SLC8A1: variants seen among roughly 807,000 people sequenced by gnomAD.
SLC8A1 encodes the protein solute carrier family 8 member A1, also known as sodium/calcium exchanger 1.
In SLC8A1, 18 loss-of-function variants were observed where a neutral mutation model predicts 68.3. That is an observed-to-expected ratio of 0.26 (90% CI 0.18 to 0.39). SLC8A1 has a LOEUF of 0.39. SLC8A1 is among the 10% of genes least tolerant of loss of function. The probability of loss-of-function intolerance (pLI) is 1.00; values close to 1 mark genes in which losing one functional copy is unlikely to be tolerated. For synonymous variants in SLC8A1, 475 were observed against 415.5 expected, an observed-to-expected ratio of 1.14 and a Z score of -1.74; for missense variants, 985 against 1,156.7, an observed-to-expected ratio of 0.85 and a Z score of 2.15.
chr2:40,388,243 C>T (rs1684208041), intron 2 of SLC8A1, among the ~76,000 whole-genome samples: 2 of 152,068 alleles, frequency 1.3e-5, no homozygotes, highest in African/African-American at 2.4e-5. Flanking sequence ...ACTTGAATTG[C>T]TACAAAATAT....
intron 2 of SLC8A1, among the ~76,000 whole-genome samples, chr2:40,298,643 G>T (rs940279846): frequency 6.6e-6 from 1 of 152,240 alleles, no homozygotes. Flanking sequence ...AAAGAAATTA[G>T]AAGGCTATGG....
chr2:40,202,151 G>C (rs2054501451), intron 2 of SLC8A1, among the ~76,000 whole-genome samples: 1 of 151,922 alleles, frequency 6.6e-6, no homozygotes, highest in Non-Finnish European at 1.5e-5. Flanking sequence ...AATTAATCCA[G>C]TGTTAACAGC....
chr2:40,403,199 GCAT>G (rs1391562209), intron 2 of SLC8A1, among the ~76,000 whole-genome samples: 1 of 152,112 alleles, frequency 6.6e-6, no homozygotes, highest in Non-Finnish European at 1.5e-5. Flanking sequence ...AAGCAATTTG[GCAT>G]TATTCAGTAC....
In SLC8A1 at chr2:40,252,831, CAT is replaced by C. The variant is rs1305638651; in HGVS notation, c.1809-74978_1809-74977del. ...GTACATATACATATATATGTATATA[CAT>C]GTGTATACATATATGTATATATACA... On this transcript the variant is annotated intron_variant, in intron 2 of 7. Coordinates refer to ENST00000406785, the Ensembl canonical transcript of SLC8A1. Among the ~76,000 whole-genome samples, 58 of 139,024 alleles carry C rather than the reference CAT, an allele frequency of 4.2e-4. 1 individual carries two copies. Among genetic ancestry groups the C allele is most frequent in the African/African-American group, 1.5e-3 (53 of 36,430 alleles). The allele number at this position is 139,024 out of a possible 152,430, so 91.2% of individuals were successfully genotyped here.
chr2:40,443,469 C>A (rs989612223), intron 1 of SLC8A1, among the ~76,000 whole-genome samples: 3 of 152,134 alleles, frequency 2.0e-5, no homozygotes, highest in Non-Finnish European at 4.4e-5. Context: ...TAGGTGGACA[C>A]TTTTGTAATT....
At chr2:40,202,822 C>T (rs1558735149) in intron 2 of SLC8A1, among the ~76,000 whole-genome samples, 2 of 151,980 alleles carry the variant, frequency 1.3e-5, no homozygotes, top group East Asian at 3.9e-4. Flanking sequence ...TACCCTCTGG[C>T]CTGCAAGCAT....
chr2:40,347,424 A>C lies in SLC8A1; in HGVS notation c.1808+81049T>G, dbSNP rs1380302532. 2.0e-5 allele frequency among the ~76,000 whole-genome samples: 3 copies of C among 152,250 alleles called. No homozygotes were observed. The East Asian group carries it at 5.8e-4, about 29-fold the overall frequency. Reference sequence around the variant, plus strand: ...GTACTATCGTAGAAGTCAGCAGAGAAAGAAGAGAATCCAGGCTTCAGAGCC... The same window carrying C: ...GTACTATCGTAGAAGTCAGCAGAGACAGAAGAGAATCCAGGCTTCAGAGCC... On this transcript the variant is annotated intron_variant, in intron 2 of 7. Transcript: ENST00000406785.
upstream of SLC8A1, among the ~76,000 whole-genome samples, chr2:40,456,316 CAAAAAA>C (rs67747641): frequency 6.8e-5 from 7 of 102,452 alleles, no homozygotes; most frequent in South Asian, 2.7e-3. Context: ...GACTCCGTCT[CAAAAAA>C]AAAAAAAAAA....
At chr2:40,346,047 T>TAAAAAAAAAAAAA (rs774555210) in intron 2 of SLC8A1, among the ~76,000 whole-genome samples, 109 of 41,704 alleles carry the variant, frequency 2.6e-3, no homozygotes, top group Non-Finnish European at 3.2e-3. Context: ...ACATTAACAG[T>TAAAAAAAAAAAAA]AAAAAAAAAA....
intron 2 of SLC8A1, among the ~76,000 whole-genome samples, chr2:40,402,698 C>A (rs1377064269): frequency 6.6e-6 from 1 of 152,130 alleles, no homozygotes. Flanking sequence ...TTTTCCAGTG[C>A]AAAAGAAAAA....
intron 2 of SLC8A1, among the ~76,000 whole-genome samples, chr2:40,324,347 GACA>G (rs1397830849): frequency 6.6e-6 from 1 of 152,124 alleles, no homozygotes; most frequent in Non-Finnish European, 1.5e-5. Flanking sequence ...GTTTTGAACA[GACA>G]ACTATAAAAT....
intron 2 of SLC8A1, among the ~76,000 whole-genome samples, chr2:40,203,852 G>T (rs2054870089): frequency 6.6e-6 from 1 of 151,782 alleles, no homozygotes; most frequent in African/African-American, 2.4e-5. Context: ...CTACATGCAT[G>T]AACTACCACA....
chr2:40,461,622 T>A (rs888601370), intron 1 of SLC8A1, among the ~76,000 whole-genome samples: 1 of 152,146 alleles, frequency 6.6e-6, no homozygotes, highest in African/African-American at 2.4e-5. Context: ...GCCTCTTACT[T>A]CCCTTAACTA....
intron 2 of SLC8A1, among the ~76,000 whole-genome samples, chr2:40,217,200 T>A (rs1161248062): frequency 2.0e-5 from 3 of 152,220 alleles, no homozygotes; most frequent in Non-Finnish European, 4.4e-5. Flanking sequence ...TTCAGTTTTC[T>A]GCATATGGCT....
At chr2:40,339,668 G>A (rs141576704) in intron 2 of SLC8A1, among the ~76,000 whole-genome samples, 2 of 152,326 alleles carry the variant, frequency 1.3e-5, no homozygotes, top group African/African-American at 2.4e-5. Context: ...ACCAATGAAT[G>A]TCTCACACAT....
chr2:40,266,729 G>C (rs1392412848), intron 2 of SLC8A1, among the ~76,000 whole-genome samples: 1 of 152,076 alleles, frequency 6.6e-6, no homozygotes, highest in Admixed American at 6.6e-5. Flanking sequence ...TCTCTTTATT[G>C]GGCTAATGGT....
At chr2:40,398,737 C>A (rs760718434) in intron 2 of SLC8A1, among the ~76,000 whole-genome samples, 1 of 152,140 alleles carries the variant, frequency 6.6e-6, no homozygotes, top group Non-Finnish European at 1.5e-5. Context: ...ATTTTCATAA[C>A]CATCCCCATA....
chr2:40,307,067 G>A (rs2072765088), intron 2 of SLC8A1, among the ~76,000 whole-genome samples: 1 of 151,920 alleles, frequency 6.6e-6, no homozygotes. Flanking sequence ...TAGCAGCACT[G>A]TCCACAATAG....
intron 1 of SLC8A1, among the ~76,000 whole-genome samples, chr2:40,476,212 A>T (rs563525463): frequency 6.6e-6 from 1 of 152,218 alleles, no homozygotes; most frequent in South Asian, 2.1e-4. Flanking sequence ...ACCAATTTTC[A>T]CTTGTCTTTC....
Sources: gnomAD v4.1 joint callset for allele counts (sites outside exome capture counted in the v4.1 genomes callset) on GRCh38, gnomAD v4.1.1 for gene constraint, MANE v1.5 for transcripts, NCBI Gene and HGNC (gene_info 2026-07-23, HGNC 2026-07-21) for gene names.